Variants in TENM2 observed in about 807,000 individuals in gnomAD.
TENM2 encodes the protein teneurin-2.
TENM2 carries 52 observed loss-of-function variants against 245.2 expected under a neutral mutation model. The observed-to-expected ratio is 0.21, with a 90% CI of 0.17 to 0.27. The LOEUF is 0.27. TENM2 is among the 10% of genes least tolerant of loss of function. The pLI, the probability that TENM2 is intolerant of heterozygous loss-of-function variation, is 1.00. For synonymous variants in TENM2, 1,363 were observed against 1,438.9 expected (o/e 0.95, Z 1.19); for missense variants, 3,046 against 3,666.8 (o/e 0.83, Z 4.37).
chr5:167,538,569 G>T (rs1771997410), intron 2 of TENM2, among the ~76,000 whole-genome samples: 1 of 152,216 alleles, frequency 6.6e-6, no homozygotes, highest in Admixed American at 6.5e-5. Flanking sequence ...GTTTGTAACA[G>T]TTGAGAGCCT....
chr5:167,805,759 T>TG (rs2150968895), intron 2 of TENM2, among the ~76,000 whole-genome samples: 1 of 152,242 alleles, frequency 6.6e-6, no homozygotes, highest in Admixed American at 6.5e-5. Flanking sequence ...GGTGAGGTGG[T>TG]GGGCATAGCA....
chr5:167,786,259 T>A (rs182053810), intron 2 of TENM2, among the ~76,000 whole-genome samples: 3 of 152,340 alleles, frequency 2.0e-5, no homozygotes, highest in African/African-American at 7.2e-5. Flanking sequence ...TGGCAGAGGC[T>A]GAACTCCAGC....
intron 2 of TENM2, among the ~76,000 whole-genome samples, chr5:167,415,850 GC>G (rs952074464): frequency 3.9e-5 from 6 of 152,042 alleles, no homozygotes; most frequent in Admixed American, 3.3e-4. Flanking sequence ...AAGTGCTAGG[GC>G]CCCTTGCATC....
intron 2 of TENM2, among the ~76,000 whole-genome samples, chr5:167,873,313 G>T (rs906587996): frequency 3.3e-5 from 5 of 152,220 alleles, no homozygotes; most frequent in Non-Finnish European, 7.3e-5. Context: ...AGATGGGAAC[G>T]CAGAAACGTG....
the TENM2 span, among the ~76,000 whole-genome samples, chr5:167,008,198 T>C: frequency 1.3e-5 from 2 of 152,230 alleles, no homozygotes; most frequent in African/African-American, 4.8e-5. Flanking sequence ...CTGTAGTTTA[T>C]ATTTTTTTGG....
At chr5:167,390,054 C>A (rs1231526356) in intron 2 of TENM2, among the ~76,000 whole-genome samples, 1 of 152,114 alleles carries the variant, frequency 6.6e-6, no homozygotes, top group Non-Finnish European at 1.5e-5. Flanking sequence ...CCTATTGTAC[C>A]TTATTGTTTA....
At chr5:168,148,063 G>T (rs761844967) in intron 12 of TENM2, among the ~76,000 whole-genome samples, 2 of 152,208 alleles carry the variant, frequency 1.3e-5, no homozygotes, top group African/African-American at 2.4e-5. Context: ...AATCAGTCAT[G>T]CTTTCTGCCT....
In TENM2 at chr5:168,195,314, C is replaced by T. The variant is rs1244665158; in HGVS notation, c.2900+19C>T. ...ATGGCACGTGAGTAGCTTTGTGGGG[C>T]TCGGACCTACTCAGGACCACACGTG... On this transcript the variant is annotated intron_variant, in intron 15 of 28. Coordinates refer to ENST00000518659, the Ensembl canonical transcript of TENM2. The T allele has an allele frequency of 2.6e-6, 4 of 1,564,568 alleles. No homozygotes were observed. The highest frequency in any genetic ancestry group is 2.7e-5 in the African/African-American group (2 of 73,840).
intron 17 of TENM2, 41 bp from the exon 20 acceptor site, chr5:168,203,644 ACTCT>A (rs762289027): frequency 6.5e-7 from 1 of 1,528,632 alleles, no homozygotes; most frequent in Non-Finnish European, 8.9e-7. Context: ...AATCAAGTAA[ACTCT>A]CTCTTTTCTC....
In TENM2 at chr5:167,558,677, C is replaced by T. The variant is rs541357738; in HGVS notation, c.502+183204C>T. ...ACCCCCTGATGGGACCATCTAGTTA[C>T]GGGAAAACAAGCTCAGGGCTCCCAC... On this transcript the variant is annotated intron_variant, in intron 2 of 28. Transcript: ENST00000518659. Among the ~76,000 whole-genome samples, 48 of 152,228 alleles carry T rather than the reference C, an allele frequency of 3.2e-4. No homozygotes were observed. The East Asian group carries it at 6.4e-3, about 20-fold the overall frequency.
chr5:167,366,848 C>T (rs1261562027), intron 1 of TENM2, among the ~76,000 whole-genome samples: 3 of 152,104 alleles, frequency 2.0e-5, no homozygotes, highest in African/African-American at 7.2e-5. Context: ...GGTGAATGTA[C>T]ATGTTTGTAA....
chr5:167,575,820 A>AT (rs900955479), intron 2 of TENM2, among the ~76,000 whole-genome samples: 3 of 151,964 alleles, frequency 2.0e-5, no homozygotes, highest in Admixed American at 1.3e-4. Context: ...ATCACATGTA[A>AT]TTTTTTTTCA....
chr5:167,328,666 A>G (rs1757241656), intron 1 of TENM2, among the ~76,000 whole-genome samples: 1 of 152,112 alleles, frequency 6.6e-6, no homozygotes, highest in Non-Finnish European at 1.5e-5. Flanking sequence ...TATTTTCCCT[A>G]GCTGTTCCCT....
chr5:167,885,150 A>G (rs547252234), intron 3 of TENM2, among the ~76,000 whole-genome samples: 5 of 152,262 alleles, frequency 3.3e-5, no homozygotes, highest in African/African-American at 1.2e-4. Context: ...CTGGATACCA[A>G]TTGCTTATCA....
the TENM2 span, among the ~76,000 whole-genome samples, chr5:167,028,173 A>G: frequency 6.6e-6 from 1 of 151,740 alleles, no homozygotes; most frequent in Admixed American, 6.6e-5. Flanking sequence ...CATCATTCCC[A>G]TGAATAAAGG....
intron 25 of TENM2, among the ~76,000 whole-genome samples, chr5:168,228,531 T>TTC (rs1392905842): frequency 5.9e-5 from 5 of 84,784 alleles, no homozygotes. Context: ...TGAATTGGTG[T>TTC]TCGTGCCTAC....
Position 168,015,771 on chromosome 5 carries a change from A to C in TENM2, c.1186+22589A>C, listed in dbSNP as rs1019206445. ...TCTCATCCTCATTCCTGAGGATAAA[A>C]AAACCTCTCCTTCAGATCAGAAGGG... is the stretch of plus-strand genomic sequence containing the variant. On this transcript the variant is annotated intron_variant, in intron 5 of 28. Transcript: ENST00000518659. Among the ~76,000 whole-genome samples the C allele has an allele frequency of 2.0e-5, 3 of 152,188 alleles. No homozygotes were observed. The South Asian group carries it at 6.2e-4, about 32-fold the overall frequency.
intron 2 of TENM2, among the ~76,000 whole-genome samples, chr5:167,462,451 G>A (rs1766376488): frequency 6.6e-6 from 1 of 152,138 alleles, no homozygotes; most frequent in Non-Finnish European, 1.5e-5. Context: ...TGGTACTTGG[G>A]TTCTTGTCCA....
At chr5:167,009,299 A>G in the TENM2 span, among the ~76,000 whole-genome samples, 1 of 152,192 alleles carries the variant, frequency 6.6e-6, no homozygotes, top group Non-Finnish European at 1.5e-5. Flanking sequence ...GCATAGAAGC[A>G]TTCTTTCTTA....
Sources: gnomAD v4.1 joint callset for allele counts (sites outside exome capture counted in the v4.1 genomes callset) on GRCh38, gnomAD v4.1.1 for gene constraint, MANE v1.5 for transcripts, NCBI Gene and HGNC (gene_info 2026-07-23, HGNC 2026-07-21) for gene names.